Variants in RNF213 observed in about 807,000 individuals in gnomAD.
RNF213 encodes ring finger protein 213, also known as E3 ubiquitin-protein ligase RNF213.
RNF213 carries 341 observed loss-of-function variants against 514.4 expected under a neutral mutation model. The observed-to-expected ratio is 0.66, with a 90% confidence interval of 0.61 to 0.73. RNF213 has a LOEUF of 0.73. Among genes scored for constraint, RNF213 ranks in the 30% least tolerant of loss-of-function variants. The pLI, the probability that RNF213 is intolerant of heterozygous loss-of-function variation, is 0.00. For missense variants in RNF213, 5,767 were observed against 6,615.6 expected (o/e 0.87, Z 4.45); for synonymous variants, 2,655 against 2,658.2 (o/e 1.00, Z 0.04).
At chr17:80,307,912 G>A (rs1342766539) in intron 13 of RNF213, among the ~76,000 whole-genome samples, 2 of 150,458 alleles carry the variant, frequency 1.3e-5, no homozygotes, top group Non-Finnish European at 1.5e-5. Flanking sequence ...CTAAGATTTG[G>A]GTTTATCTCC....
intron 25 of RNF213, 128 bp downstream of exon 25, chr17:80,338,125 GC>G: frequency 8.5e-7 from 1 of 1,183,004 alleles, no homozygotes; most frequent in Non-Finnish European, 1.2e-6. Flanking sequence ...CTGCTCTTAG[GC>G]CCATGGAGAG....
intron 47 of RNF213, 126 bp from the exon 48 acceptor site, chr17:80,372,395 C>T (rs2079551273): frequency 2.8e-6 from 2 of 724,026 alleles, no homozygotes; most frequent in African/African-American, 1.8e-5. Flanking sequence ...AAGAAATTTA[C>T]ACTGAAACCT....
intron 3 of RNF213, among the ~76,000 whole-genome samples, chr17:80,283,229 T>G (rs1383248230): frequency 6.6e-6 from 1 of 151,984 alleles, no homozygotes; most frequent in Non-Finnish European, 1.5e-5. Context: ...ACTCGGCCAG[T>G]CCTCACCGAG....
At position 80,361,897 on chromosome 17, in the gene RNF213, T is replaced by C. The variant is rs2079068729; in HGVS notation, c.11355+9T>C. The C allele has an allele frequency of 1.3e-5, 21 of 1,610,528 alleles. No homozygotes were observed. Among genetic ancestry groups the C allele is most frequent in the Non-Finnish European group, 1.8e-5 (21 of 1,177,810 alleles). The stretch of plus-strand genomic sequence containing the variant: ...CGGAGGAGGAATTAAAGGTAGATGT[T>C]TAGATACTGGCTAAGGGTCAGGTGT... On this transcript the variant is annotated intron_variant, in intron 39 of 67. Coordinates refer to ENST00000582970, the MANE Select transcript of RNF213 (RefSeq NM_001256071.3).
At chr17:80,349,610 C>T (rs112962305) in intron 29 of RNF213, among the ~76,000 whole-genome samples, 160 bp from the exon 30 acceptor site, 3 of 152,294 alleles carry the variant, frequency 2.0e-5, no homozygotes, top group Admixed American at 1.3e-4. Context: ...CCAGCGCTGC[C>T]GTGTTTTGGG....
rs377092593 is a variant in RNF213 at position 80,398,711 on chromosome 17, C to CAGAG, written c.*5225_*5228dup. On this transcript the variant is annotated 3_prime_UTR_variant, in exon 68 of 68. Transcript: ENST00000582970. ...AGGAAGAGACAGACAAAGAGGGAGT[C>CAGAG]AGAGAGAGAGAGAGAAAGAGACAGA... The CAGAG allele has an allele frequency of 1.5e-4, 21 of 140,200 alleles. No individual in the cohort carries two copies. Among genetic ancestry groups the CAGAG allele is most frequent in the African/African-American group, 5.3e-4 (20 of 37,476 alleles). 8.7% of individuals were successfully genotyped at this position (140,200 alleles called of 1,614,324 possible).
In RNF213 at chr17:80,345,560, C is replaced by T; in HGVS notation, c.7225C>T (p.Arg2409Trp). Residue 2409 changes from arginine (R) to tryptophan (W), a missense_variant, in exon 29 of 68, where the codon CGG becomes TGG. Physicochemically the swap from Arg to Trp is moderately radical, Grantham distance 101. This residue lies in a region of RNF213 where 1,377 missense variants were observed against 1,635.2 expected (regional missense o/e 0.84). Coordinates refer to ENST00000582970, the MANE Select transcript of RNF213 (RefSeq NM_001256071.3). This position sits in a 1 kb window ranked among gnomAD's most constrained non-coding sequence, Gnocchi z 6.0. The part of the protein sequence containing the change: ...NMLKILAIEM[R>W]FRCGIPVIIM... ...GCTTAAAATCCTTGCCATCGAGATG[C>T]GGTTCCGGTGTGGGATCCCGGTTAT... 8.1e-6 allele frequency: 13 copies of T among 1,613,332 alleles called. No individual in the cohort carries two copies. The highest frequency in any genetic ancestry group is 1.1e-5 in the Non-Finnish European group (13 of 1,179,292).
intron 42 of RNF213, chr17:80,364,896 T>C: frequency 2.9e-6 from 1 of 343,552 alleles, no homozygotes; most frequent in South Asian, 2.4e-5. Context: ...AGCCTGGCCA[T>C]CTGTGGAAGC....
chr17:80,315,412 A>T lies in RNF213; in HGVS notation c.2812-1776A>T, dbSNP rs1259857582. Among the ~76,000 whole-genome samples the T allele has an allele frequency of 1.8e-3, 2 of 1,114 alleles. 1 individual carries two copies. Among genetic ancestry groups the T allele is most frequent in the Non-Finnish European group, 2.8e-3 (2 of 726 alleles). The allele number at this position is 1,114 out of a possible 152,430, so 0.7% of individuals were successfully genotyped here. On this transcript the variant is annotated intron_variant, in intron 15 of 67. Transcript: ENST00000582970. The stretch of plus-strand genomic sequence containing the variant: ...ATGGTGGTGGTGGTGGTGGTACTGG[A>T]GGTGATGGTGGAGGTAATGGAGGTG...
chr17:80,374,048 T>G (rs1324438132), intron 49 of RNF213, among the ~76,000 whole-genome samples: 3 of 149,850 alleles, frequency 2.0e-5, no homozygotes, highest in African/African-American at 7.4e-5. Context: ...CTCTCAGTGG[T>G]CCTTTCCAGA....
intron 3 of RNF213, chr17:80,278,839 C>G (rs1473263051): frequency 6.5e-7 from 1 of 1,537,212 alleles, no homozygotes; most frequent in Non-Finnish European, 8.7e-7. Flanking sequence ...TAATGCCATA[C>G]CCAGCAAGAG....
chr17:80,383,095 G>A (rs2080088399), intron 58 of RNF213, 25 bp downstream of exon 58: 1 of 1,557,006 alleles, frequency 6.4e-7, no homozygotes, highest in African/African-American at 1.4e-5. Context: ...CTGACAGCTG[G>A]GTTGCTCCTC....
chr17:80,284,096 A>C (rs1271288889), intron 3 of RNF213, among the ~76,000 whole-genome samples: 2 of 151,956 alleles, frequency 1.3e-5, no homozygotes, highest in African/African-American at 2.4e-5. Flanking sequence ...ACAGTAGCTC[A>C]CGCCTGGAAT....
In RNF213 at chr17:80,332,088, C is replaced by T. The variant is rs1328560745; in HGVS notation, c.3600C>T (p.Ser1200=). 1.3e-6 allele frequency: 2 copies of T among 1,537,178 alleles called. No homozygotes were observed. Among genetic ancestry groups the T allele is most frequent in the Non-Finnish European group, 1.7e-6 (2 of 1,146,900 alleles). ...RLNDTVTVRL[S]TSSNSQRATH... is the part of the protein sequence containing the mutation. ...ATGACACCGTGACAGTGAGACTGTCCACCTCCTCGAACTCGCAGAGGGCAA... is the reference window on the plus strand; with the variant it reads ...ATGACACCGTGACAGTGAGACTGTCTACCTCCTCGAACTCGCAGAGGGCAA... Residue 1200 remains serine (S), a synonymous_variant, in exon 21 of 68, where the codon TCC becomes TCT. Transcript: ENST00000582970.
intron 11 of RNF213, 33 bp downstream of exon 11, chr17:80,298,551 T>A (rs2045049463): frequency 6.2e-7 from 1 of 1,613,114 alleles, no homozygotes. Flanking sequence ...TCTACATGAA[T>A]CTGGGAAGAC....
chr17:80,385,861 T>C (rs1297140934), intron 61 of RNF213, among the ~76,000 whole-genome samples: 1 of 152,180 alleles, frequency 6.6e-6, no homozygotes, highest in African/African-American at 2.4e-5. Context: ...AGACAGGGTT[T>C]CACCATGTTG....
At chr17:80,349,935 T>C (rs760509164) in intron 30 of RNF213, 29 bp downstream of exon 30, 2 of 1,612,040 alleles carry the variant, frequency 1.2e-6, no homozygotes, top group Non-Finnish European at 1.7e-6. Context: ...CCTGCTGCCC[T>C]CTCCCTCCCC....
intron 12 of RNF213, among the ~76,000 whole-genome samples, chr17:80,306,729 G>C (rs1047209145): frequency 1.3e-5 from 2 of 151,966 alleles, no homozygotes; most frequent in Non-Finnish European, 2.9e-5. Context: ...GTGGGTACCT[G>C]TAGTCCCAGC....
In RNF213 at chr17:80,288,385, G is replaced by T. The variant is rs2044554374; in HGVS notation, c.810+22G>T. 1 of 1,610,640 alleles carries T rather than the reference G, an allele frequency of 6.2e-7. No homozygotes were observed. The highest frequency in any genetic ancestry group is 8.5e-7 in the Non-Finnish European group (1 of 1,179,818). On this transcript the variant is annotated intron_variant, in intron 4 of 67. Coordinates refer to ENST00000582970, the MANE Select transcript of RNF213 (RefSeq NM_001256071.3). The surrounding 1 kb of genome is among the most constrained non-coding windows in gnomAD (Gnocchi z 4.9). ...TATGGTGAGTCATCCGGGAGAGATG[G>T]CCTGGGAGTGGCACTGAGCCCTCGG... is the stretch of plus-strand genomic sequence containing the variant.
Sources: allele counts gnomAD v4.1 joint callset (sites outside exome capture counted in the v4.1 genomes callset), GRCh38; gene constraint gnomAD v4.1.1; regional missense constraint gnomAD v4.1.1; non-coding constraint Gnocchi (gnomAD v3.1); transcripts MANE v1.5; gene names NCBI Gene and HGNC (gene_info 2026-07-23, HGNC 2026-07-21).